The following SAMD4A variants were observed in gnomAD, a reference collection of about 807,000 sequenced individuals.
SAMD4A encodes the protein sterile alpha motif domain containing 4A, also known as protein Smaug homolog 1.
A neutral mutation model predicts 81.3 loss-of-function variants in SAMD4A; 33 were observed. That is an observed-to-expected ratio of 0.41 (90% CI 0.31 to 0.54). SAMD4A has a LOEUF of 0.54. Among genes scored for constraint, SAMD4A ranks in the 20% least tolerant of loss-of-function variants. The pLI, the probability that SAMD4A is intolerant of heterozygous loss-of-function variation, is 0.37. For synonymous variants in SAMD4A, 389 were observed against 382.1 expected (o/e 1.02, Z -0.21); for missense variants, 854 against 951.1 (o/e 0.90, Z 1.34).
At chr14:54,775,209 C>A in intron 10 of SAMD4A, 74 bp downstream of exon 10, 1 of 1,571,336 alleles carries the variant, frequency 6.4e-7, no homozygotes, top group Non-Finnish European at 8.8e-7. Context: ...CCCCAGGTGA[C>A]CCCAGGGTGG....
chr14:54,600,420 A>G (rs2140220301), intron 2 of SAMD4A, among the ~76,000 whole-genome samples: 1 of 152,310 alleles, frequency 6.6e-6, no homozygotes, highest in East Asian at 1.9e-4. Flanking sequence ...AAGTTCATCC[A>G]GTGCTTCCAT....
At chr14:54,713,216 C>A (rs1323976437) in intron 3 of SAMD4A, among the ~76,000 whole-genome samples, 1 of 152,026 alleles carries the variant, frequency 6.6e-6, no homozygotes, top group African/African-American at 2.4e-5. Context: ...AAAAATTAAA[C>A]CTTTGAATTT....
intron 2 of SAMD4A, among the ~76,000 whole-genome samples, chr14:54,650,701 C>A (rs926423391): frequency 2.6e-5 from 4 of 152,130 alleles, no homozygotes; most frequent in Non-Finnish European, 4.4e-5. Context: ...AGTGCCTTTC[C>A]CTCCCACCCA....
At position 54,653,732 on chromosome 14, in the gene SAMD4A, G is replaced by T. The variant is rs537358006; in HGVS notation, c.197-48330G>T. ...ATTGGATCAGAATTTTAGGATTTTTGCATGACCAGCCATTTTATTTTGTAG... is the reference window on the plus strand; with the variant it reads ...ATTGGATCAGAATTTTAGGATTTTTTCATGACCAGCCATTTTATTTTGTAG... On this transcript the variant is annotated intron_variant, in intron 2 of 12. Transcript: ENST00000554335. Among the ~76,000 whole-genome samples, 27 of 152,234 alleles carry T rather than the reference G, an allele frequency of 1.8e-4. No individual in the cohort carries two copies. In the South Asian group the frequency reaches 5.6e-3, roughly 32 times the overall value.
At chr14:54,631,695 C>G (rs2034907084) in intron 2 of SAMD4A, among the ~76,000 whole-genome samples, 1 of 152,136 alleles carries the variant, frequency 6.6e-6, no homozygotes, top group Non-Finnish European at 1.5e-5. Context: ...GTCCATGTAG[C>G]TTCTCTAAAT....
At chr14:54,704,819 C>A (rs1010585143) in intron 3 of SAMD4A, among the ~76,000 whole-genome samples, 2 of 152,168 alleles carry the variant, frequency 1.3e-5, no homozygotes, top group Non-Finnish European at 2.9e-5. Context: ...TAAGAAAATG[C>A]GAATGTCATT....
At chr14:54,630,429 A>G (rs2034867313) in intron 2 of SAMD4A, among the ~76,000 whole-genome samples, 1 of 152,188 alleles carries the variant, frequency 6.6e-6, no homozygotes, top group South Asian at 2.1e-4. Context: ...TTCCCGAATG[A>G]TGGGTGATGT....
At chr14:54,639,643 A>G (rs902090086) in intron 2 of SAMD4A, among the ~76,000 whole-genome samples, 1 of 152,032 alleles carries the variant, frequency 6.6e-6, no homozygotes, top group African/African-American at 2.4e-5. Flanking sequence ...TCTTCATCCC[A>G]TGTTCAGCCC....
intron 2 of SAMD4A, chr14:54,700,943 G>T (rs1057067757): frequency 2.6e-5 from 4 of 151,626 alleles, no homozygotes; most frequent in Non-Finnish European, 5.9e-5. Flanking sequence ...AGATGAAAGG[G>T]TTCTAGAGAT....
At chr14:54,611,443 G>A (rs375240258) in intron 2 of SAMD4A, among the ~76,000 whole-genome samples, 70 of 152,252 alleles carry the variant, frequency 4.6e-4, no homozygotes, top group African/African-American at 1.5e-3. Flanking sequence ...CATAAAAATC[G>A]TAGCCTAGAG....
chr14:54,630,777 C>G (rs925163603), intron 2 of SAMD4A, among the ~76,000 whole-genome samples: 3 of 151,856 alleles, frequency 2.0e-5, no homozygotes, highest in Admixed American at 1.3e-4. Context: ...AGTCAGGGTT[C>G]TCCAGAGAAA....
At chr14:54,598,993 G>A (rs750859879) in intron 2 of SAMD4A, among the ~76,000 whole-genome samples, 1 of 152,016 alleles carries the variant, frequency 6.6e-6, no homozygotes, top group Non-Finnish European at 1.5e-5. Flanking sequence ...ACTAATTTTT[G>A]TATTTTTGTA....
intron 7 of SAMD4A, 39 bp downstream of exon 7, chr14:54,760,533 A>G: frequency 7.3e-7 from 1 of 1,372,970 alleles, no homozygotes; most frequent in Non-Finnish European, 9.3e-7. Context: ...TCTTCTGGAT[A>G]CCACTAACCA....
chr14:54,744,703 G>A (rs1318740447), intron 4 of SAMD4A, among the ~76,000 whole-genome samples: 1 of 152,160 alleles, frequency 6.6e-6, no homozygotes, highest in African/African-American at 2.4e-5. Context: ...CCCCCTGAAA[G>A]TCTGCTACTC....
intron 3 of SAMD4A, among the ~76,000 whole-genome samples, chr14:54,726,617 G>A (rs747661743): frequency 1.3e-5 from 2 of 152,312 alleles, no homozygotes; most frequent in Admixed American, 6.5e-5. Context: ...TTGGGGGAAA[G>A]TACTGAGGCA....
intron 2 of SAMD4A, among the ~76,000 whole-genome samples, chr14:54,628,144 C>A (rs943243751): frequency 6.6e-6 from 1 of 152,108 alleles, no homozygotes; most frequent in Non-Finnish European, 1.5e-5. Context: ...ACTCCTCCCC[C>A]ACAACCCTGT....
At chr14:54,770,079 T>A in intron 8 of SAMD4A, 25 bp from the exon 9 acceptor site, 1 of 1,493,896 alleles carries the variant, frequency 6.7e-7, no homozygotes, top group Non-Finnish European at 9.3e-7. Flanking sequence ...CGTCACCCAT[T>A]TAAAAGTCCT....
intron 2 of SAMD4A, among the ~76,000 whole-genome samples, chr14:54,600,833 GGGTTAGTCATGAATTACTCCA>G: frequency 6.6e-6 from 1 of 152,136 alleles, no homozygotes; most frequent in Non-Finnish European, 1.5e-5. Flanking sequence ...TCTGCAGGGC[GGGTTAGTCATGAATTACTCCA>G]GGTTCTCCAA....
chr14:54,605,228 G>A (rs1288996754), intron 2 of SAMD4A, among the ~76,000 whole-genome samples: 2 of 151,898 alleles, frequency 1.3e-5, no homozygotes, highest in South Asian at 2.1e-4. Flanking sequence ...CAGAAGGCAA[G>A]CTCCCTGTGC....
Sources: gnomAD v4.1 joint callset for allele counts (sites outside exome capture counted in the v4.1 genomes callset) on GRCh38, gnomAD v4.1.1 for gene constraint, MANE v1.5 for transcripts, NCBI Gene and HGNC (gene_info 2026-07-23, HGNC 2026-07-21) for gene names.